Variants in ASPM observed in about 807,000 individuals in gnomAD.
ASPM encodes the protein abnormal spindle-like microcephaly-associated protein.
ASPM carries 256 observed loss-of-function variants against 366.4 expected under a neutral mutation model. The ratio of observed to expected loss-of-function variants is 0.70; its 90% CI spans 0.63 to 0.77. The LOEUF (loss-of-function observed/expected upper bound fraction) is 0.77. Ranked by LOEUF, ASPM falls within the 30% of genes least tolerant of loss-of-function variation. The pLI is 0.00. For synonymous variants in ASPM, 1,414 were observed against 1,342.9 expected (o/e 1.05, Z -1.16); for missense variants, 4,146 against 4,090.4 (o/e 1.01, Z -0.37).
intron 17 of ASPM, among the ~76,000 whole-genome samples, chr1:197,117,301 TAA>T (rs747623612): frequency 1.3e-5 from 2 of 151,954 alleles, no homozygotes; most frequent in Non-Finnish European, 2.9e-5. Flanking sequence ...AAGACTATAT[TAA>T]GTCAGTATTA....
rs562043376 is a variant in ASPM at position 197,101,027 on chromosome 1, C to T, written c.8224G>A (p.Val2742Ile). 46 of 1,612,212 alleles carry T rather than the reference C, an allele frequency of 2.9e-5. 1 individual carries two copies. In the South Asian group the frequency reaches 4.6e-4, roughly 16 times the overall value. The change falls in exon 18 of 28, where the codon GTA becomes ATA. Residue 2742 changes from valine (V) to isoleucine (I), a missense_variant. This residue lies in a region of ASPM where 3,624 missense variants were observed against 3,591.7 expected (regional missense o/e 1.01). Transcript: ENST00000367409. ...RKNFLAVQKS[V>I]RTIQAAFRGM... ...CTAAAAGCAGCCTGAATAGTTCGTA[C>T]AGATTTCTGAACTGCTAAAAAGTTT...
intron 27 of ASPM, 103 bp from the exon 28 acceptor site, chr1:197,084,529 T>C (rs536968057): frequency 2.0e-4 from 150 of 749,272 alleles, no homozygotes; most frequent in Non-Finnish European, 3.3e-4. Flanking sequence ...CCTGAACACA[T>C]CATTTCCCTT....
In ASPM at chr1:197,102,464, GCAT is replaced by G; in HGVS notation, c.6784_6786del (p.Met2262del). On this transcript the variant is annotated inframe_deletion, in exon 18 of 28. Transcript: ENST00000367409. ...CTCTGAATGAGAGTTGCGGCTATAT[GCAT>G]CATTTTTAAATGTCTTCTAGCTTTC... The G allele has an allele frequency of 1.2e-6, 2 of 1,612,456 alleles. No individual in the cohort carries two copies. Among genetic ancestry groups the G allele is most frequent in the East Asian group, 2.2e-5 (1 of 44,824 alleles).
rs1442234443 is a variant in ASPM at position 197,132,490 on chromosome 1, A to C, written c.2420-138T>G. The stretch of plus-strand genomic sequence containing the variant: ...AAGTTAATTTAAATAAAATACACTT[A>C]TAGTCTTAAATATACATGATCATAT... On this transcript the variant is annotated intron_variant, in intron 6 of 27. Transcript: ENST00000367409. 4.2e-6 allele frequency: 3 copies of C among 711,682 alleles called. No homozygotes were observed. In the African/African-American group the frequency reaches 5.4e-5, roughly 13 times the overall value. The allele number at this position is 711,682 out of a possible 1,614,324, so 44.1% of individuals were successfully genotyped here. A position where few individuals can be genotyped will look rare whatever the true frequency, so the allele number is the denominator to read the frequency against.
rs1354655350 is a variant in ASPM at position 197,143,767 on chromosome 1, G to A, written c.485C>T (p.Ser162Phe). ...TGAAACCCTTCTGTTGTGACTTGTAGAGGCTGAAATTTTCTTCTTTTTAAT... is the reference window on the plus strand; with the variant it reads ...TGAAACCCTTCTGTTGTGACTTGTAAAGGCTGAAATTTTCTTCTTTTTAAT... ...DTIKKKKISA[S>F]TSHNRRVSNI... is the part of the protein sequence containing the mutation. The change falls in exon 3 of 28, where the codon TCT (serine) becomes TTT (phenylalanine). Residue 162 changes from serine (S) to phenylalanine (F), a missense_variant. Physicochemically the swap from Ser to Phe is radical, Grantham distance 155. This residue lies in a region of ASPM where 512 missense variants were observed against 471.7 expected (regional missense o/e 1.09). Coordinates refer to ENST00000367409, the MANE Select transcript of ASPM (RefSeq NM_018136.5). 6.2e-7 allele frequency: 1 copy of A among 1,612,360 alleles called. No individual in the cohort carries two copies. Among genetic ancestry groups the A allele is most frequent in the Non-Finnish European group, 8.5e-7 (1 of 1,179,574 alleles).
chr1:197,099,019 G>T (rs1657071200), intron 18 of ASPM, among the ~76,000 whole-genome samples: 1 of 151,482 alleles, frequency 6.6e-6, no homozygotes, highest in African/African-American at 2.4e-5. Context: ...GGGTGTGAGG[G>T]AGTAACTCTG....
Position 197,128,517 on chromosome 1 carries a change from A to G in ASPM, c.2909T>C (p.Val970Ala). The G allele has an allele frequency of 6.2e-7, 1 of 1,613,768 alleles. No individual in the cohort carries two copies. Among genetic ancestry groups the G allele is most frequent in the Non-Finnish European group, 8.5e-7 (1 of 1,179,692 alleles). Residue 970 changes from valine (V) to alanine (A), a missense_variant, in exon 10 of 28, where the codon GTA becomes GCA. Coordinates refer to ENST00000367409, the MANE Select transcript of ASPM (RefSeq NM_018136.5). ...EFDFAVTNLA[V>A]DLQCGVRLVR... Reference sequence around the variant, plus strand: ...AAGGCGCACTCCACATTGCAAGTCTACGGCAAGATTTGTAACGGCAAAATC... The same window carrying G: ...AAGGCGCACTCCACATTGCAAGTCTGCGGCAAGATTTGTAACGGCAAAATC...
chr1:197,104,669 T>G lies in ASPM; in HGVS notation c.4582A>C (p.Lys1528Gln). The G allele has an allele frequency of 4.3e-6, 7 of 1,613,192 alleles. No individual in the cohort carries two copies. The highest frequency in any genetic ancestry group is 5.9e-6 in the Non-Finnish European group (7 of 1,179,458). The change falls in exon 18 of 28, where the codon AAG (lysine) becomes CAG (glutamine). Residue 1528 changes from lysine to glutamine, a missense_variant. By Grantham distance (53) the Lys-to-Gln change is moderately conservative. Coordinates refer to ENST00000367409, the MANE Select transcript of ASPM (RefSeq NM_018136.5). ...QKYYKAYLKG[K>Q]IERTNYLQKR... ...TGCAAATAGTTGGTGCGCTCAATCTTTCCTTTCAGATATGCTTTGTAGTAC... is the reference window on the plus strand; with the variant it reads ...TGCAAATAGTTGGTGCGCTCAATCTGTCCTTTCAGATATGCTTTGTAGTAC...
chr1:197,146,417 C>G lies in ASPM; in HGVS notation c.21G>C (p.Gly7=), dbSNP rs778066591. Residue 7 remains glycine, a synonymous_variant, in exon 1 of 28, where the codon GGG becomes GGC. Transcript: ENST00000367409. MANRRV[G]RGCWEVSPTE... ...TCGGGCTCACTTCCCAGCAGCCTCG[C>G]CCCACTCGCCGGTTCGCCATGGCAG... 1.9e-6 allele frequency: 3 copies of G among 1,608,886 alleles called. No homozygotes were observed. In the South Asian group the frequency reaches 3.3e-5, roughly 18 times the overall value.
At chr1:197,121,796 A>T in intron 16 of ASPM, 119 bp downstream of exon 16, 1 of 1,271,070 alleles carries the variant, frequency 7.9e-7, no homozygotes, top group Non-Finnish European at 1.1e-6. Flanking sequence ...ATACACAATT[A>T]CTAAATTTAT....
rs1332487820 is a variant in ASPM, at chr1:197,105,064, G to T, written c.4187C>A (p.Ala1396Asp). 1 of 1,609,836 alleles carries T rather than the reference G, an allele frequency of 6.2e-7. No individual in the cohort carries two copies. The highest frequency in any genetic ancestry group is 8.5e-7 in the Non-Finnish European group (1 of 1,177,386). Residue 1396 changes from alanine to aspartate, a missense_variant, in exon 18 of 28, where the codon GCT becomes GAT. By Grantham distance (126) the Ala-to-Asp change is moderately radical. Transcript: ENST00000367409. ...CCAATGCCTCTGAATTGTAACTGTAGCCCAAAGATATCGTTTATAAGATGT... is the reference window on the plus strand; with the variant it reads ...CCAATGCCTCTGAATTGTAACTGTATCCCAAAGATATCGTTTATAAGATGT... ...AVTSYKRYLW[A>D]TVTIQRHWRA...
chr1:197,108,265 T>A (rs1485964342), intron 17 of ASPM, among the ~76,000 whole-genome samples: 4 of 151,932 alleles, frequency 2.6e-5, no homozygotes, highest in Non-Finnish European at 5.9e-5. Flanking sequence ...TAAACCTGTA[T>A]TTAGAAGAAA....
chr1:197,121,236 G>A (rs569596943), intron 16 of ASPM, among the ~76,000 whole-genome samples: 2 of 151,942 alleles, frequency 1.3e-5, no homozygotes, highest in Admixed American at 6.6e-5. Flanking sequence ...CAAGGAGGCC[G>A]TTTCTTAGAT....
Position 197,140,123 on chromosome 1 carries a change from T to C in ASPM, c.1922-252A>G, listed in dbSNP as rs374922741. On this transcript the variant is annotated intron_variant, in intron 3 of 27. Coordinates refer to ENST00000367409, the MANE Select transcript of ASPM (RefSeq NM_018136.5). ...AAAGTCTAGATTCAACCAAAACTTA[T>C]TGTGTCTGTATATTCCAGACTCTCT... is the stretch of plus-strand genomic sequence containing the variant. 1.1e-4 allele frequency among the ~76,000 whole-genome samples: 17 copies of C among 152,348 alleles called. No homozygotes were observed. The South Asian group carries it at 2.5e-3, about 22-fold the overall frequency.
At position 197,104,997 on chromosome 1, in the gene ASPM, T is replaced by A; in HGVS notation, c.4254A>T (p.Glu1418Asp). The change falls in exon 18 of 28, where the codon GAA (glutamate) becomes GAT (aspartate). Residue 1418 changes from glutamate (E) to aspartate (D), a missense_variant. Transcript: ENST00000367409. The stretch of plus-strand genomic sequence containing the variant: ...TTATAAGAGTTGATGATTTTAGCAT[T>A]TCATATCTTTGTTGATCTTGTTTTC... ...LRRKQDQQRY[E>D]MLKSSTLIIQ... is the part of the protein sequence containing the mutation. The A allele has an allele frequency of 6.2e-7, 1 of 1,611,470 alleles. No individual in the cohort carries two copies. Among genetic ancestry groups the A allele is most frequent in the Non-Finnish European group, 8.5e-7 (1 of 1,178,842 alleles).
rs1329784782 is a variant in ASPM at position 197,084,325 on chromosome 1, T to C, written c.10433A>G (p.Ter3478TrpextTer1). Reference sequence around the variant, plus strand: ...ACATACTGAAAATGTTTACATTTACTAATAAGGAATGCCAAGCGTATCCAT... The same window carrying C: ...ACATACTGAAAATGTTTACATTTACCAATAAGGAATGCCAAGCGTATCCAT... ...MVMDTLGIPY* is the reference protein window; with the variant it reads ...MVMDTLGIPYW The change falls in exon 28 of 28, where the codon TAG (stop) becomes TGG (tryptophan). Residue 3478 changes from the stop codon to tryptophan, a stop_lost. Coordinates refer to ENST00000367409, the MANE Select transcript of ASPM (RefSeq NM_018136.5). 2 of 1,598,856 alleles carry C rather than the reference T, an allele frequency of 1.3e-6. No homozygotes were observed. The highest frequency in any genetic ancestry group is 2.2e-5 in the East Asian group (1 of 44,680).
chr1:197,117,902 C>CA lies in ASPM; in HGVS notation c.3951dup (p.Ala1318CysfsTer32). 1 of 1,613,336 alleles carries CA rather than the reference C, an allele frequency of 6.2e-7. No homozygotes were observed. Among genetic ancestry groups the CA allele is most frequent in the Non-Finnish European group, 8.5e-7 (1 of 1,179,474 alleles). On this transcript the variant is annotated frameshift_variant, in exon 17 of 28. Coordinates refer to ENST00000367409, the MANE Select transcript of ASPM (RefSeq NM_018136.5). LOFTEE classifies it high-confidence loss of function. Reference sequence around the variant, plus strand: ...CAATATTTCTGAATGACGAGTGCTGCATTAACTCTTTTTCTCAATCTTTGT... The same window carrying CA: ...CAATATTTCTGAATGACGAGTGCTGCAATTAACTCTTTTTCTCAATCTTTGT...
In ASPM at chr1:197,104,926, T is replaced by G. The variant is rs151262912; in HGVS notation, c.4325A>C (p.Gln1442Pro). Residue 1442 changes from glutamine (Q) to proline (P), a missense_variant, in exon 18 of 28, where the codon CAA becomes CCA. Around this residue, in one of 3 missense-constraint regions of ASPM, gnomAD observed 3,624 missense variants for 3,591.7 expected, o/e 1.01. Transcript: ENST00000367409. ...RKWKQRKMQS[Q>P]VKATVILQRA... Reference sequence around the variant, plus strand: ...TTGCAATATTACTGTAGCTTTTACTTGTGATTGCATTTTACGTTGCTTCCA... The same window carrying G: ...TTGCAATATTACTGTAGCTTTTACTGGTGATTGCATTTTACGTTGCTTCCA... 6 of 1,612,170 alleles carry G rather than the reference T, an allele frequency of 3.7e-6. No individual in the cohort carries two copies. In the African/African-American group the frequency reaches 8.0e-5, roughly 22 times the overall value.
chr1:197,135,168 G>A lies in ASPM; in HGVS notation c.2101C>T (p.Gln701Ter). Reference protein sequence around the residue: ...YDERWKEKQEQGFTWWLNFIL... With the variant: ...YDERWKEKQE ...AAATTTAACCACCAAGTGAAGCCCT[G>A]TTCCTGCTTTTCCTTCCAGCGTTCA... Residue 701 changes from glutamine (Q) to a stop codon, truncating the protein, a stop_gained, in exon 5 of 28, where the codon CAG (glutamine) becomes TAG (stop). Transcript: ENST00000367409. LOFTEE classifies it high-confidence loss of function. The A allele has an allele frequency of 6.2e-7, 1 of 1,613,490 alleles. No homozygotes were observed. Among genetic ancestry groups the A allele is most frequent in the Non-Finnish European group, 8.5e-7 (1 of 1,179,472 alleles).
Sources: gnomAD v4.1 joint callset for allele counts (sites outside exome capture counted in the v4.1 genomes callset) on GRCh38, gnomAD v4.1.1 for gene constraint, gnomAD v4.1.1 regional missense constraint, MANE v1.5 for transcripts, NCBI Gene and HGNC (gene_info 2026-07-23, HGNC 2026-07-21) for gene names.